Variants in PBX3 observed in about 807,000 individuals in gnomAD.
The protein encoded by PBX3 is pre-B-cell leukemia transcription factor 3.
Under a neutral mutation model 48.5 loss-of-function variants are expected in PBX3, and 14 were observed. The observed-to-expected ratio is 0.29, with a 90% CI of 0.19 to 0.45. The LOEUF (loss-of-function observed/expected upper bound fraction) is 0.45, where lower values mean the gene tolerates loss of function less well. PBX3 is among the 20% of genes least tolerant of loss of function. PBX3 has a pLI of 1.00. For synonymous variants in PBX3, 210 were observed against 200.3 expected (o/e 1.05, Z -0.41); for missense variants, 386 against 546.7 (o/e 0.71, Z 2.93).
intron 2 of PBX3, chr9:125,844,777 C>A (rs186895403): frequency 6.6e-6 from 1 of 152,230 alleles, no homozygotes; most frequent in East Asian, 1.9e-4. Context: ...AAAATGGAAA[C>A]CCTTTCCTGT....
At chr9:125,854,219 C>A (rs1343167257) in intron 2 of PBX3, among the ~76,000 whole-genome samples, 1 of 152,082 alleles carries the variant, frequency 6.6e-6, no homozygotes, top group African/African-American at 2.4e-5. Context: ...GCACCCCCAA[C>A]CTCCTAGGCT....
chr9:125,903,363 C>T (rs180789583), intron 2 of PBX3, among the ~76,000 whole-genome samples: 3 of 151,986 alleles, frequency 2.0e-5, no homozygotes, highest in Non-Finnish European at 1.5e-5. Context: ...TCATTTACAA[C>T]AGAGGCCAGA....
chr9:125,759,334 T>G lies in PBX3; in HGVS notation c.274+10711T>G, dbSNP rs1836602688. Among the ~76,000 whole-genome samples the G allele has an allele frequency of 6.6e-6, 1 of 152,192 alleles. No individual in the cohort carries two copies. Among genetic ancestry groups the G allele is most frequent in the Non-Finnish European group, 1.5e-5 (1 of 68,046 alleles). On this transcript the variant is annotated intron_variant, in intron 2 of 8. Transcript: ENST00000373489. The surrounding 1 kb of genome is among the most constrained non-coding windows in gnomAD (Gnocchi z 4.2). The stretch of plus-strand genomic sequence containing the variant: ...CTGTTGTTAAAGTGGCCCCTAGTGA[T>G]AGTGCTGCAGTGACTAGATAGAGCA...
At chr9:125,965,445 G>A (rs1181650688) in intron 8 of PBX3, among the ~76,000 whole-genome samples, 3 of 152,318 alleles carry the variant, frequency 2.0e-5, no homozygotes, top group East Asian at 1.9e-4. Context: ...TGATTAAGCC[G>A]GGGTGAAGTT....
chr9:125,948,821 T>C (rs889997507), intron 5 of PBX3, among the ~76,000 whole-genome samples: 4 of 152,056 alleles, frequency 2.6e-5, no homozygotes, highest in African/African-American at 7.2e-5. Context: ...GTCTTTATAA[T>C]AGCAAAAGAC....
Position 125,835,015 on chromosome 9 carries a change from C to CAA in PBX3, c.275-80636_275-80635dup, listed in dbSNP as rs745638368. ...CTCGGTGACGAGCAAAACTCTGTCTCAAAAAAAAAAAAAAAAAAAAAAAAA... is the reference window on the plus strand; with the variant it reads ...CTCGGTGACGAGCAAAACTCTGTCTCAAAAAAAAAAAAAAAAAAAAAAAAAAA... On this transcript the variant is annotated intron_variant, in intron 2 of 8. Coordinates refer to ENST00000373489, the MANE Select transcript of PBX3 (RefSeq NM_006195.6). Among the ~76,000 whole-genome samples the CAA allele has an allele frequency of 1.0e-3, 26 of 25,172 alleles. 1 individual carries two copies. Among genetic ancestry groups the CAA allele is most frequent in the South Asian group, 3.1e-3 (1 of 322 alleles). The allele number at this position is 25,172 out of a possible 152,430, so 16.5% of individuals were successfully genotyped here.
chr9:125,915,891 A>G lies in PBX3; in HGVS notation c.480A>G (p.Arg160=), dbSNP rs891551175. The change falls in exon 3 of 9, where the codon AGA becomes AGG. Residue 160 remains arginine (R), a synonymous_variant. Coordinates refer to ENST00000373489, the MANE Select transcript of PBX3 (RefSeq NM_006195.6). ...ACAGAGCCAAATTGACCCAGATCAGACAAATCTATCACACAGAACTGGAGA... is the reference window on the plus strand; with the variant it reads ...ACAGAGCCAAATTGACCCAGATCAGGCAAATCTATCACACAGAACTGGAGA... The part of the protein sequence containing the change: ...SDYRAKLTQI[R]QIYHTELEKY... The G allele has an allele frequency of 1.9e-6, 3 of 1,613,994 alleles. No homozygotes were observed. Among genetic ancestry groups the G allele is most frequent in the South Asian group, 2.2e-5 (2 of 91,070 alleles).
At chr9:125,859,694 A>G (rs1349347376) in intron 2 of PBX3, among the ~76,000 whole-genome samples, 1 of 152,222 alleles carries the variant, frequency 6.6e-6, no homozygotes, top group East Asian at 1.9e-4. Flanking sequence ...GGTCAGTGTA[A>G]AAGGTGATCA....
At chr9:125,905,421 AT>A (rs1366874123) in intron 2 of PBX3, among the ~76,000 whole-genome samples, 1 of 151,960 alleles carries the variant, frequency 6.6e-6, no homozygotes, top group Non-Finnish European at 1.5e-5. Context: ...CTTGATTTTG[AT>A]GTCTTTATAG....
At chr9:125,783,790 G>A (rs1256492559) in intron 2 of PBX3, among the ~76,000 whole-genome samples, 1 of 151,964 alleles carries the variant, frequency 6.6e-6, no homozygotes, top group Non-Finnish European at 1.5e-5. Context: ...CCTGAAGTCA[G>A]GAGTTCGAGA....
chr9:125,927,581 A>G (rs893275564), intron 3 of PBX3, among the ~76,000 whole-genome samples: 2 of 152,202 alleles, frequency 1.3e-5, no homozygotes, highest in Admixed American at 6.5e-5. Flanking sequence ...TTCTCACTCC[A>G]TCAGGGACAC....
At chr9:125,852,138 A>G (rs1048798022) in intron 2 of PBX3, among the ~76,000 whole-genome samples, 6 of 152,106 alleles carry the variant, frequency 3.9e-5, no homozygotes, top group Admixed American at 6.6e-5. Context: ...CTTTGTCAGG[A>G]TGGTATTTGG....
At chr9:125,791,587 C>T (rs1380948047) in intron 2 of PBX3, among the ~76,000 whole-genome samples, 1 of 152,152 alleles carries the variant, frequency 6.6e-6, no homozygotes, top group African/African-American at 2.4e-5. Context: ...CTCTCTCTTC[C>T]TCCTGTTCTG....
In PBX3 at chr9:125,747,666, T is replaced by C; in HGVS notation, c.200+13T>C. ...AGGCGCAAGCAAAGTTGGTGTCGTC[T>C]CATTAAGCATCTTTTGTGTGTGTGC... is the stretch of plus-strand genomic sequence containing the variant. On this transcript the variant is annotated intron_variant, in intron 1 of 8. Transcript: ENST00000373489. The C allele has an allele frequency of 6.4e-7, 1 of 1,569,832 alleles. No homozygotes were observed. The highest frequency in any genetic ancestry group is 1.1e-5 in the South Asian group (1 of 87,052).
Position 125,918,552 on chromosome 9 carries a change from C to A in PBX3, c.516+2625C>A, listed in dbSNP as rs1174913926. Reference sequence around the variant, plus strand: ...ATATAATCAGTAGCCTAATAACGATCTAAATATATAGTTCCTTTTTCATTT... The same window carrying A: ...ATATAATCAGTAGCCTAATAACGATATAAATATATAGTTCCTTTTTCATTT... On this transcript the variant is annotated intron_variant, in intron 3 of 8. Transcript: ENST00000373489. Among the ~76,000 whole-genome samples the A allele has an allele frequency of 2.0e-5, 3 of 151,958 alleles. No individual in the cohort carries two copies. In the East Asian group the frequency reaches 5.8e-4, roughly 29 times the overall value.
intron 2 of PBX3, among the ~76,000 whole-genome samples, chr9:125,834,490 C>T (rs1048880555): frequency 1.3e-5 from 2 of 151,764 alleles, no homozygotes; most frequent in Admixed American, 6.6e-5. Flanking sequence ...CTCCACCTCC[C>T]AGGCTCAAGG....
At chr9:125,871,225 C>T (rs1282012700) in intron 2 of PBX3, among the ~76,000 whole-genome samples, 1 of 151,960 alleles carries the variant, frequency 6.6e-6, no homozygotes, top group African/African-American at 2.4e-5. Context: ...AGTGAAACCC[C>T]ATCTCTACTA....
chr9:125,930,342 G>T (rs895586155), intron 4 of PBX3, among the ~76,000 whole-genome samples: 2 of 152,278 alleles, frequency 1.3e-5, no homozygotes, highest in Admixed American at 6.5e-5. Flanking sequence ...CATTTTTCCT[G>T]TAAGGATGAA....
intron 2 of PBX3, among the ~76,000 whole-genome samples, chr9:125,753,676 T>C (rs1836434182): frequency 6.6e-6 from 1 of 152,122 alleles, no homozygotes; most frequent in South Asian, 2.1e-4. Flanking sequence ...GTATTTTATT[T>C]GGGACTTTAC....
Sources: allele counts gnomAD v4.1 joint callset (sites outside exome capture counted in the v4.1 genomes callset), GRCh38; gene constraint gnomAD v4.1.1; non-coding constraint Gnocchi (gnomAD v3.1); transcripts MANE v1.5; gene names NCBI Gene and HGNC (gene_info 2026-07-23, HGNC 2026-07-21).